Variants in THSD7B observed in about 807,000 individuals in gnomAD.
THSD7B encodes the protein thrombospondin type-1 domain-containing protein 7B.
THSD7B carries 138 observed loss-of-function variants against 213.6 expected under a neutral mutation model. That is an observed-to-expected ratio of 0.65 (90% CI 0.56 to 0.74). The LOEUF (loss-of-function observed/expected upper bound fraction) is 0.74, where lower values mean the gene tolerates loss of function less well. Ranked by LOEUF, THSD7B falls within the 30% of genes least tolerant of loss-of-function variation. The pLI, the probability that THSD7B is intolerant of heterozygous loss-of-function variation, is 0.00. For synonymous variants in THSD7B, 742 were observed against 687.0 expected, an observed-to-expected ratio of 1.08 and a Z score of -1.25; for missense variants, 1,931 against 1,991.5, an observed-to-expected ratio of 0.97 and a Z score of 0.58.
At chr2:137,584,688 A>G (rs1032011430) in intron 17 of THSD7B, among the ~76,000 whole-genome samples, 1 of 152,204 alleles carries the variant, frequency 6.6e-6, no homozygotes, top group Non-Finnish European at 1.5e-5. Flanking sequence ...GATGAAGCCC[A>G]GTTGATCATG....
chr2:137,270,994 A>G (rs1374936760), intron 10 of THSD7B, among the ~76,000 whole-genome samples: 1 of 152,168 alleles, frequency 6.6e-6, no homozygotes, highest in Non-Finnish European at 1.5e-5. Flanking sequence ...GGAAGCTTTC[A>G]TAGTGGCTGA....
chr2:136,924,751 A>T lies in THSD7B; in HGVS notation c.139+42434A>T, dbSNP rs143549398. On this transcript the variant is annotated intron_variant, in intron 2 of 27. Coordinates refer to ENST00000409968, the MANE Select transcript of THSD7B (RefSeq NM_001316349.2). ...TTTTCATAAGGATTGCAATGAATTGATAAGTCACTTGGGAAAGCGTGATCA... is the reference window on the plus strand; with the variant it reads ...TTTTCATAAGGATTGCAATGAATTGTTAAGTCACTTGGGAAAGCGTGATCA... Among the ~76,000 whole-genome samples the T allele has an allele frequency of 9.2e-5, 14 of 152,298 alleles. No individual in the cohort carries two copies. In the East Asian group the frequency reaches 2.7e-3, roughly 29 times the overall value.
Position 137,057,109 on chromosome 2 carries a change from G to C in THSD7B, c.829G>C (p.Val277Leu). Residue 277 changes from valine to leucine, a missense_variant, in exon 3 of 28, where the codon GTC becomes CTC. Physicochemically the swap from Val to Leu is conservative, Grantham distance 32. Coordinates refer to ENST00000409968, the MANE Select transcript of THSD7B (RefSeq NM_001316349.2). ...LDFNSDSNER[V>L]TFKHQSYKAH... ...TTTTAACTCTGATTCAAATGAGCGA[G>C]TCACCTTTAAACATCAAAGTTACAA... 1 of 1,613,952 alleles carries C rather than the reference G, an allele frequency of 6.2e-7. No homozygotes were observed. Among genetic ancestry groups the C allele is most frequent in the South Asian group, 1.1e-5 (1 of 91,076 alleles).
intron 2 of THSD7B, among the ~76,000 whole-genome samples, chr2:137,027,374 A>C (rs1381147753): frequency 6.6e-6 from 1 of 152,132 alleles, no homozygotes; most frequent in Non-Finnish European, 1.5e-5. Context: ...TTAGGACTTT[A>C]TCATTGTCTG....
intron 5 of THSD7B, among the ~76,000 whole-genome samples, chr2:137,150,675 G>T (rs532466696): frequency 6.6e-6 from 1 of 152,194 alleles, no homozygotes; most frequent in Non-Finnish European, 1.5e-5. Context: ...CAGGAACATG[G>T]GAATGGACTA....
chr2:137,149,752 G>A (rs1384571134), intron 5 of THSD7B, among the ~76,000 whole-genome samples: 1 of 152,144 alleles, frequency 6.6e-6, no homozygotes, highest in East Asian at 1.9e-4. Flanking sequence ...TTTCCCATTT[G>A]GAATGGGTGT....
intron 5 of THSD7B, among the ~76,000 whole-genome samples, chr2:137,128,130 CA>C (rs2104950208): frequency 6.6e-6 from 1 of 152,096 alleles, no homozygotes; most frequent in East Asian, 1.9e-4. Context: ...TTTATTTCCC[CA>C]AAATTCTATA....
intron 7 of THSD7B, among the ~76,000 whole-genome samples, chr2:137,173,923 T>C (rs1224397650): frequency 3.9e-5 from 6 of 152,186 alleles, no homozygotes; most frequent in African/African-American, 1.4e-4. Context: ...AGGTTTGAGA[T>C]ATACAGTGTC....
chr2:137,103,673 A>G lies in THSD7B; in HGVS notation c.1199+8552A>G, dbSNP rs181759793. Reference sequence around the variant, plus strand: ...ACAGACACACATAGGCTGAAAATAAAGGGATGGAGGAATATTTACCAAGCA... The same window carrying G: ...ACAGACACACATAGGCTGAAAATAAGGGGATGGAGGAATATTTACCAAGCA... On this transcript the variant is annotated intron_variant, in intron 4 of 27. Transcript: ENST00000409968. 4.3e-4 allele frequency among the ~76,000 whole-genome samples: 65 copies of G among 152,280 alleles called. 2 individuals are homozygous for G. In the East Asian group the frequency reaches 0.012, roughly 28 times the overall value.
intron 2 of THSD7B, among the ~76,000 whole-genome samples, chr2:137,037,608 G>A (rs1227319144): frequency 1.3e-5 from 2 of 151,966 alleles, no homozygotes; most frequent in African/African-American, 2.4e-5. Context: ...TGACAGGTGG[G>A]GAATTGCAGA....
chr2:136,783,358 C>G (rs1345479831), intron 1 of THSD7B, among the ~76,000 whole-genome samples: 1 of 152,034 alleles, frequency 6.6e-6, no homozygotes, highest in Non-Finnish European at 1.5e-5. Flanking sequence ...CAGAATTGAG[C>G]TGGGAAACAG....
intron 1 of THSD7B, among the ~76,000 whole-genome samples, chr2:136,872,952 G>C (rs952396836): frequency 4.3e-5 from 6 of 140,554 alleles, no homozygotes; most frequent in Non-Finnish European, 7.6e-5. Flanking sequence ...TTCAACCTGG[G>C]AGATAGTTTG....
chr2:137,655,559 G>A lies in THSD7B; in HGVS notation c.4004G>A (p.Gly1335Asp). 6.2e-7 allele frequency: 1 copy of A among 1,612,770 alleles called. No homozygotes were observed. Among genetic ancestry groups the A allele is most frequent in the Non-Finnish European group, 8.5e-7 (1 of 1,179,448 alleles). Residue 1335 changes from glycine to aspartate, a missense_variant, in exon 22 of 28, where the codon GGT becomes GAT. By Grantham distance (94) the Gly-to-Asp change is moderately conservative (BLOSUM62 -1). Transcript: ENST00000409968. ...AGCCTTTCCTGCATGGTCCACAGTG[G>A]TTCAATATCTCATGCAGCTGGACGT... ...IRSLSCMVHS[G>D]SISHAAGRVE...
intron 3 of THSD7B, among the ~76,000 whole-genome samples, chr2:137,075,070 T>A (rs566768140): frequency 6.6e-6 from 1 of 152,302 alleles, no homozygotes; most frequent in South Asian, 2.1e-4. Flanking sequence ...TGTCTTGGAG[T>A]TGCTCTTCTC....
chr2:137,090,951 A>G (rs1687938032), intron 3 of THSD7B, among the ~76,000 whole-genome samples: 1 of 152,190 alleles, frequency 6.6e-6, no homozygotes, highest in South Asian at 2.1e-4. Flanking sequence ...TTCACCATCT[A>G]ATGCTCCTTT....
rs1310919480 is a variant in THSD7B, at chr2:137,656,798, G to T, written c.4108G>T (p.Asp1370Tyr). The T allele has an allele frequency of 1.9e-6, 3 of 1,613,530 alleles. No homozygotes were observed. In the African/African-American group the frequency reaches 4.0e-5, roughly 22 times the overall value. Residue 1370 changes from aspartate to tyrosine, a missense_variant and splice_region_variant, in exon 23 of 28, where the codon GAC (aspartate) becomes TAC (tyrosine). Physicochemically the swap from Asp to Tyr is radical, Grantham distance 160. Coordinates refer to ENST00000409968, the MANE Select transcript of THSD7B (RefSeq NM_001316349.2). The part of the protein sequence containing the change: ...KQLCSVPCPG[D>Y]CHLTEWSEWS... ...CCCTGTACTGCATGACTGTCCAGGA[G>T]ACTGCCATTTAACAGAATGGTCAGA...
intron 5 of THSD7B, among the ~76,000 whole-genome samples, chr2:137,117,021 TAA>T (rs1688457201): frequency 6.6e-6 from 1 of 152,148 alleles, no homozygotes; most frequent in Non-Finnish European, 1.5e-5. Context: ...GACCTGGATG[TAA>T]ATACATAGAT....
At chr2:137,655,687 C>A (rs762893746) in intron 22 of THSD7B, 27 bp downstream of exon 22, 2 of 1,600,922 alleles carry the variant, frequency 1.2e-6, no homozygotes, top group South Asian at 1.1e-5. Flanking sequence ...ATTGGGAGCG[C>A]CTCCCATGGT....
chr2:137,076,675 C>G lies in THSD7B; in HGVS notation c.951-18198C>G, dbSNP rs1041202855. ...AAATGCAGAAATCACCCATCTTCTG[C>G]GTCACTCACGCTGGGAGCTGTAGAC... On this transcript the variant is annotated intron_variant, in intron 3 of 27. Coordinates refer to ENST00000409968, the MANE Select transcript of THSD7B (RefSeq NM_001316349.2). 3.9e-5 allele frequency among the ~76,000 whole-genome samples: 6 copies of G among 152,188 alleles called. No individual in the cohort carries two copies. In the East Asian group the frequency reaches 9.6e-4, roughly 24 times the overall value.
Sources: gnomAD v4.1 joint callset for allele counts (sites outside exome capture counted in the v4.1 genomes callset) on GRCh38, gnomAD v4.1.1 for gene constraint, MANE v1.5 for transcripts, NCBI Gene and HGNC (gene_info 2026-07-23, HGNC 2026-07-21) for gene names.